AFAP1L2: variants seen among roughly 807,000 people sequenced by gnomAD.
AFAP1L2 encodes actin filament-associated protein 1-like 2.
Under a neutral mutation model 99.3 loss-of-function variants are expected in AFAP1L2, and 46 were observed. The observed-to-expected ratio is 0.46, with a 90% confidence interval of 0.37 to 0.59. AFAP1L2 has a LOEUF of 0.59. Ranked by LOEUF, AFAP1L2 falls within the 20% of genes least tolerant of loss-of-function variation. The pLI is 0.00. For missense variants in AFAP1L2, 959 were observed against 1,034.9 expected (o/e 0.93, Z 1.01); for synonymous variants, 397 against 419.1 (o/e 0.95, Z 0.64).
chr10:114,367,608 C>T (rs777905170), intron 1 of AFAP1L2, among the ~76,000 whole-genome samples: 4 of 152,148 alleles, frequency 2.6e-5, no homozygotes, highest in African/African-American at 4.8e-5. Context: ...GACTGAGGCC[C>T]AGCTAGAATG....
intron 1 of AFAP1L2, among the ~76,000 whole-genome samples, chr10:114,347,834 A>G (rs954767364): frequency 6.6e-6 from 1 of 152,196 alleles, no homozygotes; most frequent in Non-Finnish European, 1.5e-5. Flanking sequence ...CAGATAATAT[A>G]AAATTTACTA....
At chr10:114,401,185 T>G (rs2058198882) in intron 1 of AFAP1L2, among the ~76,000 whole-genome samples, 2 of 152,190 alleles carry the variant, frequency 1.3e-5, no homozygotes, top group Non-Finnish European at 2.9e-5. Context: ...TTCAACCAAT[T>G]ACTGTGATCT....
At chr10:114,343,102 A>G (rs1038632832) in intron 1 of AFAP1L2, among the ~76,000 whole-genome samples, 7 of 152,246 alleles carry the variant, frequency 4.6e-5, no homozygotes, top group African/African-American at 1.7e-4. Context: ...AAATCCAGGT[A>G]TCTGGCAGGT....
At position 114,304,920 on chromosome 10, in the gene AFAP1L2, G is replaced by T. The variant is rs755864451; in HGVS notation, c.1083C>A (p.Asn361Lys). The T allele has an allele frequency of 1.2e-6, 2 of 1,602,214 alleles. No homozygotes were observed. The highest frequency in any genetic ancestry group is 8.5e-7 in the Non-Finnish European group (1 of 1,173,294). Reference sequence around the variant, plus strand: ...ACTTCCACTGGCTGTTCACCAGCACGTTCAGGTAACCTGCAGGAGGAAGTG... The same window carrying T: ...ACTTCCACTGGCTGTTCACCAGCACTTTCAGGTAACCTGCAGGAGGAAGTG... ...ERSLETSSYL[N>K]VLVNSQWKSR... Residue 361 changes from asparagine to lysine, a missense_variant, in exon 11 of 19, where the codon AAC becomes AAA. Asn to Lys is a moderately conservative substitution (Grantham distance 94). This residue lies in a region of AFAP1L2 where 383 missense variants were observed against 472.8 expected (regional missense o/e 0.81). Coordinates refer to ENST00000304129, the MANE Select transcript of AFAP1L2 (RefSeq NM_001001936.3).
At chr10:114,337,146 G>C (rs758718313) in intron 2 of AFAP1L2, among the ~76,000 whole-genome samples, 10 of 152,354 alleles carry the variant, frequency 6.6e-5, no homozygotes, top group Admixed American at 6.5e-4. Context: ...TGTGCGACAC[G>C]ACAGTTAACT....
Position 114,323,257 on chromosome 10 carries a change from G to A in AFAP1L2, c.320C>T (p.Pro107Leu), listed in dbSNP as rs768179008. ...LPDLPPPKMI[P>L]ERKQLAIPKT... ...TGGGATGGCAAGCTGTTTCCGTTCT[G>A]GAATCTGTGGTATGAACAAATAAGA... is the stretch of plus-strand genomic sequence containing the variant. Residue 107 changes from proline (P) to leucine (L), a missense_variant, in exon 5 of 19, where the codon CCA (proline) becomes CTA (leucine). This residue lies in a region of AFAP1L2 where 383 missense variants were observed against 472.8 expected (regional missense o/e 0.81). Transcript: ENST00000304129. 6.3e-7 allele frequency: 1 copy of A among 1,592,164 alleles called. No homozygotes were observed. Among genetic ancestry groups the A allele is most frequent in the Non-Finnish European group, 8.6e-7 (1 of 1,167,792 alleles).
chr10:114,346,136 G>T (rs1285155614), intron 1 of AFAP1L2, among the ~76,000 whole-genome samples: 1 of 152,156 alleles, frequency 6.6e-6, no homozygotes, highest in Non-Finnish European at 1.5e-5. Context: ...GGTTGAAGGA[G>T]CGCAGGCCTG....
At chr10:114,289,625 T>C in the AFAP1L2 span, 2 of 954,918 alleles carry the variant, frequency 2.1e-6, no homozygotes, top group South Asian at 3.0e-5. Flanking sequence ...GGTTCTGTGC[T>C]AAACCCCATG....
At chr10:114,306,726 G>A (rs1222406119) in intron 10 of AFAP1L2, among the ~76,000 whole-genome samples, 2 of 151,968 alleles carry the variant, frequency 1.3e-5, no homozygotes, top group Non-Finnish European at 2.9e-5. Context: ...TCCTGGGAAG[G>A]AGAGCAGCTG....
intron 1 of AFAP1L2, among the ~76,000 whole-genome samples, chr10:114,375,865 C>T (rs575916794): frequency 1.3e-5 from 2 of 152,218 alleles, no homozygotes; most frequent in East Asian, 3.9e-4. Context: ...GAGGCTGAGG[C>T]AGAAGGATCA....
chr10:114,318,675 G>A (rs2134950395), intron 5 of AFAP1L2, among the ~76,000 whole-genome samples: 1 of 145,678 alleles, frequency 6.9e-6, no homozygotes, highest in South Asian at 2.2e-4. Context: ...CCAGGAAGTG[G>A]AGATTGCGGT....
chr10:114,292,983 AGGGGT>A (rs2039741713), downstream of AFAP1L2, among the ~76,000 whole-genome samples: 1 of 152,220 alleles, frequency 6.6e-6, no homozygotes, highest in South Asian at 2.1e-4. Flanking sequence ...CTGGGATTAC[AGGGGT>A]GAACCACTGT....
chr10:114,344,824 C>T (rs1403575151), intron 1 of AFAP1L2, among the ~76,000 whole-genome samples: 1 of 152,198 alleles, frequency 6.6e-6, no homozygotes, highest in Non-Finnish European at 1.5e-5. Flanking sequence ...TGGCTGGGCA[C>T]AGTGGCTCAC....
At chr10:114,351,833 C>G (rs986020486) in intron 1 of AFAP1L2, among the ~76,000 whole-genome samples, 1 of 152,172 alleles carries the variant, frequency 6.6e-6, no homozygotes, top group Non-Finnish European at 1.5e-5. Flanking sequence ...GCCACCTCCG[C>G]CCTTCCCACA....
intron 1 of AFAP1L2, among the ~76,000 whole-genome samples, chr10:114,391,927 C>G (rs546284898): frequency 1.6e-4 from 25 of 152,174 alleles, no homozygotes; most frequent in Non-Finnish European, 3.4e-4. Context: ...TTCTCCAGAG[C>G]AGTACAAGGA....
intron 1 of AFAP1L2, among the ~76,000 whole-genome samples, chr10:114,346,029 T>A (rs1226852370): frequency 6.6e-6 from 1 of 152,102 alleles, no homozygotes; most frequent in Non-Finnish European, 1.5e-5. Flanking sequence ...GCCAGCCAGA[T>A]GTGTGGGGAA....
At chr10:114,363,031 A>G (rs1286851306) in intron 1 of AFAP1L2, 1 of 985,306 alleles carries the variant, frequency 1.0e-6, no homozygotes, top group Non-Finnish European at 1.2e-6. Flanking sequence ...AGCCCACCAG[A>G]GAGGACTGTG....
intron 2 of AFAP1L2, among the ~76,000 whole-genome samples, chr10:114,339,147 T>C (rs1216542491): frequency 6.6e-6 from 1 of 152,236 alleles, no homozygotes; most frequent in Non-Finnish European, 1.5e-5. Context: ...TCAACCAGCA[T>C]GGAAGAGTGC....
At chr10:114,368,514 G>T (rs936202652) in intron 1 of AFAP1L2, among the ~76,000 whole-genome samples, 2 of 152,088 alleles carry the variant, frequency 1.3e-5, no homozygotes, top group African/African-American at 2.4e-5. Flanking sequence ...CCACCTCCCA[G>T]GCTTAATCAA....
Sources: allele counts gnomAD v4.1 joint callset (sites outside exome capture counted in the v4.1 genomes callset), GRCh38; gene constraint gnomAD v4.1.1; regional missense constraint gnomAD v4.1.1; transcripts MANE v1.5; gene names NCBI Gene and HGNC (gene_info 2026-07-23, HGNC 2026-07-21).